Variants in SEMA3A observed in about 807,000 individuals in gnomAD.
SEMA3A encodes the protein semaphorin 3A.
Under a neutral mutation model 97.9 loss-of-function variants are expected in SEMA3A, and 29 were observed. The observed-to-expected ratio is 0.30, with a 90% CI of 0.22 to 0.40. SEMA3A has a LOEUF of 0.40. SEMA3A is among the 10% of genes least tolerant of loss of function. The pLI, the probability that SEMA3A is intolerant of heterozygous loss-of-function variation, is 1.00. For synonymous variants in SEMA3A, 321 were observed against 323.7 expected (o/e 0.99, Z 0.09); for missense variants, 763 against 951.3 (o/e 0.80, Z 2.60).
intron 2 of SEMA3A, among the ~76,000 whole-genome samples, chr7:84,364,598 A>C (rs1802801469): frequency 6.6e-6 from 1 of 151,812 alleles, no homozygotes; most frequent in African/African-American, 2.4e-5. Context: ...GTTATGTGAC[A>C]TGGGAACCTA....
chr7:84,010,842 T>C (rs1402164578), intron 9 of SEMA3A, among the ~76,000 whole-genome samples, 180 bp downstream of exon 9: 1 of 152,136 alleles, frequency 6.6e-6, no homozygotes, highest in South Asian at 2.1e-4. Context: ...TTTTCTAAAA[T>C]TGATTTAGAA....
intron 1 of SEMA3A, among the ~76,000 whole-genome samples, chr7:84,406,482 T>G (rs1200037674): frequency 2.0e-5 from 3 of 152,210 alleles, no homozygotes; most frequent in Admixed American, 6.5e-5. Context: ...AAAGAGGAGC[T>G]GGTAGCATTC....
intron 3 of SEMA3A, among the ~76,000 whole-genome samples, chr7:84,299,237 AGT>A (rs1403061408): frequency 3.3e-4 from 37 of 112,476 alleles, no homozygotes; most frequent in Admixed American, 1.1e-3. Flanking sequence ...GATATAAAAC[AGT>A]GTGTATATAT....
At chr7:84,021,418 A>C (rs900388850) in intron 6 of SEMA3A, among the ~76,000 whole-genome samples, 1 of 152,130 alleles carries the variant, frequency 6.6e-6, no homozygotes, top group Middle Eastern at 3.2e-3. Flanking sequence ...AATGTTTTCC[A>C]GTAAGATTAT....
Position 83,999,433 on chromosome 7 carries a change from TTA to T in SEMA3A, c.1452+2520_1452+2521del, listed in dbSNP as rs1316300827. ...CATTCTAATTCATATCAGAAAATAA[TTA>T]AATAATAAAAACCTTATTTTTACAA... On this transcript the variant is annotated intron_variant, in intron 12 of 16. Transcript: ENST00000265362. Among the ~76,000 whole-genome samples, 53 of 92,058 alleles carry T rather than the reference TTA, an allele frequency of 5.8e-4. 1 individual carries two copies. Among genetic ancestry groups the T allele is most frequent in the African/African-American group, 2.0e-3 (52 of 26,268 alleles). 60.4% of individuals were successfully genotyped at this position (92,058 alleles called of 152,430 possible).
chr7:83,978,286 C>T (rs965491979), intron 14 of SEMA3A, among the ~76,000 whole-genome samples: 1 of 152,126 alleles, frequency 6.6e-6, no homozygotes, highest in Non-Finnish European at 1.5e-5. Flanking sequence ...GCAAAGTTTG[C>T]TTATAAAAAT....
intron 1 of SEMA3A, among the ~76,000 whole-genome samples, chr7:84,401,574 A>C (rs1803905808): frequency 6.6e-6 from 1 of 152,176 alleles, no homozygotes; most frequent in South Asian, 2.1e-4. Flanking sequence ...AAAGAGAATA[A>C]AGCTGGGGGC....
At chr7:84,199,940 C>G (rs937952591), upstream of SEMA3A, among the ~76,000 whole-genome samples, 1 of 151,672 alleles carries the variant, frequency 6.6e-6, no homozygotes, top group Non-Finnish European at 1.5e-5. Flanking sequence ...AGAATCTGAC[C>G]CTTATGAATG....
chr7:84,285,727 A>G (rs1800565376), intron 3 of SEMA3A, among the ~76,000 whole-genome samples: 1 of 151,846 alleles, frequency 6.6e-6, no homozygotes. Context: ...TGGGTGGATC[A>G]GTTGAGCTCA....
intron 4 of SEMA3A, among the ~76,000 whole-genome samples, chr7:84,091,978 A>G (rs905173651): frequency 2.0e-5 from 3 of 152,176 alleles, no homozygotes; most frequent in Non-Finnish European, 4.4e-5. Context: ...TACACACTAC[A>G]CTAAATTCTG....
chr7:83,995,002 G>A (rs1054808856), intron 12 of SEMA3A, among the ~76,000 whole-genome samples: 13 of 152,132 alleles, frequency 8.5e-5, no homozygotes, highest in African/African-American at 3.1e-4. Flanking sequence ...AGCCATGTGC[G>A]GGATATAATC....
chr7:84,044,733 A>G (rs1792281833), intron 6 of SEMA3A, among the ~76,000 whole-genome samples: 1 of 152,038 alleles, frequency 6.6e-6, no homozygotes. Context: ...CCAGGCTATG[A>G]ACTTAGATAT....
At chr7:84,347,339 T>C (rs978653316) in intron 2 of SEMA3A, among the ~76,000 whole-genome samples, 4 of 151,300 alleles carry the variant, frequency 2.6e-5, no homozygotes, top group African/African-American at 9.7e-5. Context: ...AATTATGATA[T>C]ATTCATAAAA....
chr7:84,133,893 A>G (rs2116039975), intron 2 of SEMA3A, among the ~76,000 whole-genome samples: 1 of 149,452 alleles, frequency 6.7e-6, no homozygotes, highest in African/African-American at 2.4e-5. Flanking sequence ...TACTAAAAAA[A>G]AAAAAAAAAA....
At chr7:84,126,113 A>C (rs1032895867) in intron 3 of SEMA3A, among the ~76,000 whole-genome samples, 2 of 152,190 alleles carry the variant, frequency 1.3e-5, no homozygotes, top group African/African-American at 4.8e-5. Context: ...AATGACTAAC[A>C]TTATATTTAT....
At chr7:84,425,038 A>G (rs1205986415) in intron 1 of SEMA3A, among the ~76,000 whole-genome samples, 3 of 102,500 alleles carry the variant, frequency 2.9e-5, no homozygotes, top group African/African-American at 1.2e-4. Context: ...AATTATTTAT[A>G]ATTATATATA....
At chr7:84,145,901 C>T (rs1391943592) in intron 1 of SEMA3A, among the ~76,000 whole-genome samples, 1 of 152,162 alleles carries the variant, frequency 6.6e-6, no homozygotes, top group Non-Finnish European at 1.5e-5. Context: ...GTCTCACTAA[C>T]AGCAGTTTGC....
chr7:84,424,574 TA>T, intron 1 of SEMA3A, among the ~76,000 whole-genome samples: 1 of 74,010 alleles, frequency 1.4e-5, no homozygotes, highest in Non-Finnish European at 2.0e-5. Context: ...ATATAAATAT[TA>T]ATATATATTA....
intron 6 of SEMA3A, among the ~76,000 whole-genome samples, chr7:84,040,069 T>C (rs777358407): frequency 6.6e-6 from 1 of 152,058 alleles, no homozygotes; most frequent in Non-Finnish European, 1.5e-5. Context: ...TTAAATATTA[T>C]ATGACCTTTT....
Sources: allele counts gnomAD v4.1 joint callset (sites outside exome capture counted in the v4.1 genomes callset), GRCh38; gene constraint gnomAD v4.1.1; transcripts MANE v1.5; gene names NCBI Gene and HGNC (gene_info 2026-07-23, HGNC 2026-07-21).